Variants in MAP2K5 observed in about 807,000 individuals in gnomAD.
MAP2K5 encodes the protein dual specificity mitogen-activated protein kinase kinase 5.
Under a neutral mutation model 83.1 loss-of-function variants are expected in MAP2K5, and 49 were observed. The observed-to-expected ratio is 0.59, with a 90% CI of 0.47 to 0.75. The LOEUF is 0.75. MAP2K5 is among the 30% of genes least tolerant of loss of function. The pLI is 0.00. For missense variants in MAP2K5, 457 were observed against 557.5 expected (o/e 0.82, Z 1.82); for synonymous variants, 202 against 191.8 (o/e 1.05, Z -0.44).
chr15:67,734,461 G>A (rs984149028), intron 17 of MAP2K5, among the ~76,000 whole-genome samples: 19 of 152,140 alleles, frequency 1.2e-4, no homozygotes, highest in Non-Finnish European at 5.9e-5. Flanking sequence ...TTTCAGAATA[G>A]AGTAGAAAGC....
chr15:67,759,501 G>A (rs766858851), intron 19 of MAP2K5, among the ~76,000 whole-genome samples: 4 of 151,604 alleles, frequency 2.6e-5, no homozygotes, highest in African/African-American at 4.8e-5. Context: ...TGGAGGTTCC[G>A]GTGAGCCAAG....
intron 3 of MAP2K5, among the ~76,000 whole-genome samples, chr15:67,578,285 C>T (rs1424216286): frequency 1.1e-4 from 17 of 152,156 alleles, no homozygotes. Flanking sequence ...CTAAGAGGTA[C>T]CATGCATGGC....
At chr15:67,725,914 A>G (rs1186091017) in intron 16 of MAP2K5, among the ~76,000 whole-genome samples, 1 of 152,210 alleles carries the variant, frequency 6.6e-6, no homozygotes, top group East Asian at 1.9e-4. Flanking sequence ...GTGGGGACAG[A>G]GGATGGGAGA....
At chr15:67,761,441 T>G (rs2089946602) in intron 19 of MAP2K5, among the ~76,000 whole-genome samples, 1 of 152,224 alleles carries the variant, frequency 6.6e-6, no homozygotes, top group Non-Finnish European at 1.5e-5. Context: ...TTTAAAAATG[T>G]GTAAGCAAAT....
intron 13 of MAP2K5, among the ~76,000 whole-genome samples, chr15:67,684,085 A>G (rs2414977): frequency 0.99 from 151,170 of 152,348 alleles, 75,018 homozygotes; most frequent in Non-Finnish European, 1. Flanking sequence ...TAGAAAGGCA[A>G]GAACATGCAG....
chr15:67,740,065 T>C (rs1182557133), intron 17 of MAP2K5, among the ~76,000 whole-genome samples: 1 of 152,148 alleles, frequency 6.6e-6, no homozygotes, highest in African/African-American at 2.4e-5. Flanking sequence ...TTTGTCCAAA[T>C]ACTGAGTGAC....
In MAP2K5 at chr15:67,782,463, A is replaced by G. The variant is rs1426962861; in HGVS notation, c.1242+9711A>G. ...CTTTCAAACCCCTGTGATATACTGG[A>G]AGGCTAAATATTTCATACAGCCTGA... On this transcript the variant is annotated intron_variant, in intron 21 of 21. Transcript: ENST00000178640. This position sits in a 1 kb window ranked among gnomAD's most constrained non-coding sequence, Gnocchi z 4.9. Among the ~76,000 whole-genome samples the G allele has an allele frequency of 6.6e-6, 1 of 152,196 alleles. No individual in the cohort carries two copies. The highest frequency in any genetic ancestry group is 1.5e-5 in the Non-Finnish European group (1 of 68,034).
At chr15:67,678,451 T>A (rs966994684) in intron 13 of MAP2K5, among the ~76,000 whole-genome samples, 2 of 152,210 alleles carry the variant, frequency 1.3e-5, no homozygotes, top group African/African-American at 4.8e-5. Context: ...AATTGTACCA[T>A]GCCTGTTTCT....
intron 13 of MAP2K5, among the ~76,000 whole-genome samples, chr15:67,691,779 T>C (rs1421408927): frequency 3.9e-5 from 6 of 152,202 alleles, no homozygotes; most frequent in African/African-American, 1.4e-4. Flanking sequence ...ACTGACTGCT[T>C]TGGTGAAATC....
intron 4 of MAP2K5, among the ~76,000 whole-genome samples, chr15:67,584,122 T>C (rs1197241795): frequency 2.6e-5 from 4 of 152,170 alleles, no homozygotes; most frequent in African/African-American, 9.7e-5. Context: ...TCCCAGGTCA[T>C]GGCTAAGTCC....
At position 67,736,130 on chromosome 15, in the gene MAP2K5, G is replaced by A. The variant is rs2089335961; in HGVS notation, c.1074+8185G>A. On this transcript the variant is annotated intron_variant, in intron 17 of 21. Coordinates refer to ENST00000178640, the MANE Select transcript of MAP2K5 (RefSeq NM_145160.3). This position sits in a 1 kb window ranked among gnomAD's most constrained non-coding sequence, Gnocchi z 4.3. ...GGGAAGGAAGTAAGAAAAGGGAGGGGAGCATGGTAGAGGAGGGAGGTAATG... is the reference window on the plus strand; with the variant it reads ...GGGAAGGAAGTAAGAAAAGGGAGGGAAGCATGGTAGAGGAGGGAGGTAATG... Among the ~76,000 whole-genome samples the A allele has an allele frequency of 6.6e-6, 1 of 152,220 alleles. No individual in the cohort carries two copies. The highest frequency in any genetic ancestry group is 1.5e-5 in the Non-Finnish European group (1 of 68,024).
chr15:67,671,085 C>T (rs2087522799), intron 13 of MAP2K5, among the ~76,000 whole-genome samples: 1 of 152,162 alleles, frequency 6.6e-6, no homozygotes, highest in Non-Finnish European at 1.5e-5. Context: ...GTTCTCTTTG[C>T]CTCTGTTCCC....
rs2090195260 is a variant in MAP2K5 at position 67,774,168 on chromosome 15, TGTG to T, written c.1242+1417_1242+1419del. The stretch of plus-strand genomic sequence containing the variant: ...CTTGAAAGCAAGTGATGTGTGTGTA[TGTG>T]TGTGTGTGTGTGTGTGTGTGTGTGT... On this transcript the variant is annotated intron_variant, in intron 21 of 21. Coordinates refer to ENST00000178640, the MANE Select transcript of MAP2K5 (RefSeq NM_145160.3). This position sits in a 1 kb window ranked among gnomAD's most constrained non-coding sequence, Gnocchi z 4.9. 1.1e-3 allele frequency among the ~76,000 whole-genome samples: 1 copy of T among 878 alleles called. No individual in the cohort carries two copies. The highest frequency in any genetic ancestry group is 0.016 in the Non-Finnish European group (1 of 64). 0.6% of individuals were successfully genotyped at this position (878 alleles called of 152,430 possible).
At chr15:67,789,799 G>C (rs2141330309) in intron 21 of MAP2K5, among the ~76,000 whole-genome samples, 1 of 151,674 alleles carries the variant, frequency 6.6e-6, no homozygotes, top group Non-Finnish European at 1.5e-5. Flanking sequence ...ATGTTTGTTG[G>C]TCACATTTTT....
At chr15:67,739,418 G>T (rs1369494585) in intron 17 of MAP2K5, among the ~76,000 whole-genome samples, 1 of 114,290 alleles carries the variant, frequency 8.7e-6, no homozygotes, top group African/African-American at 3.5e-5. Context: ...AAGATTGTGT[G>T]TGACTATATA....
chr15:67,648,266 T>G lies in MAP2K5; in HGVS notation c.736+1797T>G, dbSNP rs2086872974. On this transcript the variant is annotated intron_variant, in intron 11 of 21. Coordinates refer to ENST00000178640, the MANE Select transcript of MAP2K5 (RefSeq NM_145160.3). ...CCTCAAGTCCTTGGCAACCACTGATTTATCTTCTGTCTCTATGGATTTACC... is the reference window on the plus strand; with the variant it reads ...CCTCAAGTCCTTGGCAACCACTGATGTATCTTCTGTCTCTATGGATTTACC... 2.0e-5 allele frequency among the ~76,000 whole-genome samples: 3 copies of G among 152,288 alleles called. No individual in the cohort carries two copies. The South Asian group carries it at 6.2e-4, about 32-fold the overall frequency.
chr15:67,716,357 TAAAC>T (rs1375006157), intron 16 of MAP2K5, among the ~76,000 whole-genome samples: 1 of 152,044 alleles, frequency 6.6e-6, no homozygotes, highest in Non-Finnish European at 1.5e-5. Context: ...AGAAAATAAA[TAAAC>T]AAACAGGATG....
At chr15:67,798,846 C>G (rs966902018) in intron 21 of MAP2K5, among the ~76,000 whole-genome samples, 1 of 152,170 alleles carries the variant, frequency 6.6e-6, no homozygotes, top group Non-Finnish European at 1.5e-5. Context: ...AAGGAACCCC[C>G]ACCCCCAAAT....
intron 13 of MAP2K5, among the ~76,000 whole-genome samples, chr15:67,673,137 C>T (rs1008492363): frequency 6.6e-6 from 1 of 152,022 alleles, no homozygotes; most frequent in Non-Finnish European, 1.5e-5. Context: ...ATTGACTTGG[C>T]AATGCGGTCT....
Sources: allele counts gnomAD v4.1 joint callset (sites outside exome capture counted in the v4.1 genomes callset), GRCh38; gene constraint gnomAD v4.1.1; non-coding constraint Gnocchi (gnomAD v3.1); transcripts MANE v1.5; gene names NCBI Gene and HGNC (gene_info 2026-07-23, HGNC 2026-07-21).